Variants in SNX29 observed in about 807,000 individuals in gnomAD.
The protein encoded by SNX29 is sorting nexin-29.
In SNX29, 78 loss-of-function variants were observed where a neutral mutation model predicts 102.1. The observed-to-expected ratio is 0.76, with a 90% CI of 0.64 to 0.92. SNX29 has a LOEUF of 0.92. SNX29 is among the 40% of genes least tolerant of loss of function. The pLI, the probability that SNX29 is intolerant of heterozygous loss-of-function variation, is 0.00. For synonymous variants in SNX29, 580 were observed against 414.5 expected (o/e 1.40, Z -4.85); for missense variants, 1,280 against 1,061.7 (o/e 1.21, Z -2.86).
chr16:12,537,208 C>T (rs1279543827), intron 20 of SNX29, among the ~76,000 whole-genome samples: 1 of 152,152 alleles, frequency 6.6e-6, no homozygotes, highest in Non-Finnish European at 1.5e-5. Context: ...AATTGCTGAG[C>T]TTAGAGACCA....
At chr16:12,551,488 C>CATTAATCTTTG in intron 20 of SNX29, among the ~76,000 whole-genome samples, 1 of 152,324 alleles carries the variant, frequency 6.6e-6, no homozygotes, top group Non-Finnish European at 1.5e-5. Flanking sequence ...GTTAATGCAA[C>CATTAATCTTTG]ATTAATCTTT....
intron 15 of SNX29, among the ~76,000 whole-genome samples, chr16:12,318,884 C>T (rs1196271367): frequency 6.6e-6 from 1 of 152,112 alleles, no homozygotes; most frequent in Non-Finnish European, 1.5e-5. Flanking sequence ...AGGTCTGAGT[C>T]CTGAAGACCT....
rs574788733 is a variant in SNX29, at chr16:12,394,315, C to T, written c.1900-4131C>T. Among the ~76,000 whole-genome samples the T allele has an allele frequency of 9.6e-4, 146 of 152,306 alleles. 6 individuals carry two copies. In the South Asian group the frequency reaches 0.028, roughly 29 times the overall value. Reference sequence around the variant, plus strand: ...CATCCCAGAGGCAAGATGCGAAGAACGGATACTTTGTAGTGGGAGGCAGTA... The same window carrying T: ...CATCCCAGAGGCAAGATGCGAAGAATGGATACTTTGTAGTGGGAGGCAGTA... On this transcript the variant is annotated intron_variant, in intron 16 of 20. Transcript: ENST00000566228.
At chr16:12,304,724 T>A (rs1248350497) in intron 15 of SNX29, among the ~76,000 whole-genome samples, 1 of 152,212 alleles carries the variant, frequency 6.6e-6, no homozygotes, top group Admixed American at 6.5e-5. Flanking sequence ...TCTCCTCCTA[T>A]TTTATTTCCT....
At chr16:12,453,501 C>T (rs1276095165) in intron 18 of SNX29, among the ~76,000 whole-genome samples, 3 of 152,024 alleles carry the variant, frequency 2.0e-5, no homozygotes, top group Admixed American at 2.0e-4. Context: ...GAAGTAAAAA[C>T]AAACAAAGTG....
chr16:12,371,107 A>C (rs1567491220), intron 16 of SNX29, among the ~76,000 whole-genome samples: 1 of 152,208 alleles, frequency 6.6e-6, no homozygotes, highest in Non-Finnish European at 1.5e-5. Context: ...ATATTCGAAA[A>C]TGGAGGGCCT....
At chr16:12,369,227 C>G (rs576211331) in intron 16 of SNX29, among the ~76,000 whole-genome samples, 2 of 152,016 alleles carry the variant, frequency 1.3e-5, no homozygotes, top group African/African-American at 4.8e-5. Flanking sequence ...CCTCCGCCTC[C>G]TAGGTTCAAG....
At chr16:12,287,295 TC>T (rs1198867513) in intron 15 of SNX29, among the ~76,000 whole-genome samples, 1 of 152,210 alleles carries the variant, frequency 6.6e-6, no homozygotes, top group Non-Finnish European at 1.5e-5. Context: ...CAGCATGGTC[TC>T]CTTTACAAAC....
intron 14 of SNX29, among the ~76,000 whole-genome samples, chr16:12,262,629 A>G (rs763217423): frequency 1.3e-5 from 2 of 152,208 alleles, no homozygotes; most frequent in African/African-American, 2.4e-5. Flanking sequence ...AAGCTGTGCC[A>G]TTTGTCTGAT....
intron 13 of SNX29, among the ~76,000 whole-genome samples, chr16:12,171,126 G>C (rs1323231639): frequency 2.0e-5 from 3 of 152,096 alleles, no homozygotes; most frequent in African/African-American, 7.2e-5. Flanking sequence ...CTGTGGGACA[G>C]CCTCACCCTC....
chr16:12,185,395 A>C (rs899716399), intron 13 of SNX29, among the ~76,000 whole-genome samples: 3 of 152,144 alleles, frequency 2.0e-5, no homozygotes, highest in Admixed American at 1.3e-4. Flanking sequence ...TAGATTTTTA[A>C]GGGAAATGTC....
rs569877656 is a variant in SNX29, at chr16:12,291,036, G to A, written c.1782+13000G>A. Among the ~76,000 whole-genome samples the A allele has an allele frequency of 3.3e-5, 5 of 152,322 alleles. No individual in the cohort carries two copies. In the South Asian group the frequency reaches 1.0e-3, roughly 32 times the overall value. ...TCGAGCCTGTCGTGGTAATCTCGAG[G>A]AAGGTAATCCTTTGGCCTCAGGAAA... On this transcript the variant is annotated intron_variant, in intron 15 of 20. Transcript: ENST00000566228.
At chr16:12,106,450 C>G (rs781344406) in intron 11 of SNX29, among the ~76,000 whole-genome samples, 2 of 152,036 alleles carry the variant, frequency 1.3e-5, no homozygotes, top group African/African-American at 2.4e-5. Context: ...ATAAGGCCCC[C>G]TCCTCGGCCC....
rs191872938 is a variant in SNX29, at chr16:12,178,717, C to T, written c.1596-20884C>T. Among the ~76,000 whole-genome samples the T allele has an allele frequency of 3.9e-5, 6 of 152,300 alleles. No individual in the cohort carries two copies. In the East Asian group the frequency reaches 1.2e-3, roughly 29 times the overall value. On this transcript the variant is annotated intron_variant, in intron 13 of 20. Coordinates refer to ENST00000566228, the MANE Select transcript of SNX29 (RefSeq NM_032167.5). ...GCTCTTAGTGGTGGTCGCCTGTCTT[C>T]AGCATCCAAAGTATCAGACAGTGTG...
intron 20 of SNX29, among the ~76,000 whole-genome samples, chr16:12,552,816 A>T (rs1189132320): frequency 1.3e-5 from 2 of 152,216 alleles, no homozygotes; most frequent in African/African-American, 4.8e-5. Flanking sequence ...AGAACAGCCA[A>T]CAGTGTGACA....
At chr16:12,247,044 G>C (rs2078280142) in intron 14 of SNX29, among the ~76,000 whole-genome samples, 1 of 152,236 alleles carries the variant, frequency 6.6e-6, no homozygotes, top group East Asian at 1.9e-4. Context: ...TCCCTGGAAA[G>C]GTTTGATCTT....
chr16:12,323,200 TGTG>T (rs1163999721), intron 15 of SNX29, among the ~76,000 whole-genome samples: 6 of 134,892 alleles, frequency 4.4e-5, no homozygotes. Context: ...ACTGTCAGGA[TGTG>T]GTCACTGGAG....
chr16:12,517,880 A>C (rs929997988), intron 19 of SNX29, among the ~76,000 whole-genome samples: 1 of 152,122 alleles, frequency 6.6e-6, no homozygotes, highest in Admixed American at 6.6e-5. Flanking sequence ...CGAAGACCAA[A>C]ATGGCAAGGC....
At chr16:12,109,984 C>T (rs1163324885) in intron 11 of SNX29, among the ~76,000 whole-genome samples, 1 of 152,146 alleles carries the variant, frequency 6.6e-6, no homozygotes, top group Non-Finnish European at 1.5e-5. Context: ...CCGCCTTGGC[C>T]TCTCAGAGTG....
Sources: allele counts gnomAD v4.1 joint callset (sites outside exome capture counted in the v4.1 genomes callset), GRCh38; gene constraint gnomAD v4.1.1; transcripts MANE v1.5; gene names NCBI Gene and HGNC (gene_info 2026-07-23, HGNC 2026-07-21).